The following ASIC2 variants were observed in gnomAD, a reference collection of about 807,000 sequenced individuals.
ASIC2 encodes acid-sensing ion channel 2.
A neutral mutation model predicts 57.3 loss-of-function variants in ASIC2; 25 were observed. The observed-to-expected ratio is 0.44, with a 90% confidence interval of 0.32 to 0.61. ASIC2 has a LOEUF of 0.61. ASIC2 is among the 20% of genes least tolerant of loss of function. The probability of loss-of-function intolerance (pLI) is 0.06; values close to 1 mark genes in which losing one functional copy is unlikely to be tolerated. For missense variants in ASIC2, 641 were observed against 738.1 expected (o/e 0.87, Z 1.52); for synonymous variants, 319 against 307.5 (o/e 1.04, Z -0.39).
intron 1 of ASIC2, among the ~76,000 whole-genome samples, chr17:33,997,822 G>T (rs765921224): frequency 6.6e-6 from 1 of 151,562 alleles, no homozygotes; most frequent in Non-Finnish European, 1.5e-5. Context: ...TAGGGATATT[G>T]GTCTGTGATT....
chr17:33,067,057 A>G (rs974642554), intron 3 of ASIC2, among the ~76,000 whole-genome samples: 1 of 152,224 alleles, frequency 6.6e-6, no homozygotes, highest in Non-Finnish European at 1.5e-5. Context: ...CAGTGGGAAC[A>G]TCGCAGGCAA....
At chr17:33,290,288 T>A (rs1320584042) in intron 1 of ASIC2, among the ~76,000 whole-genome samples, 2 of 152,192 alleles carry the variant, frequency 1.3e-5, no homozygotes, top group African/African-American at 4.8e-5. Flanking sequence ...AAAAAAAGCT[T>A]TGTCAGAAAT....
chr17:33,144,864 A>G (rs1904492406), intron 1 of ASIC2, among the ~76,000 whole-genome samples: 1 of 152,184 alleles, frequency 6.6e-6, no homozygotes, highest in Non-Finnish European at 1.5e-5. Context: ...TACTATGGAA[A>G]TCAGACAAGT....
chr17:33,771,363 T>C (rs1316145085), intron 1 of ASIC2, among the ~76,000 whole-genome samples: 1 of 152,216 alleles, frequency 6.6e-6, no homozygotes, highest in African/African-American at 2.4e-5. Flanking sequence ...GGGCACCTTC[T>C]GTCTCACTGC....
chr17:33,799,406 TC>T (rs1567718943), intron 1 of ASIC2, among the ~76,000 whole-genome samples: 6 of 53,986 alleles, frequency 1.1e-4, no homozygotes, highest in African/African-American at 4.4e-4. Context: ...TTCTTTCTTT[TC>T]TTTCTTTCTT....
chr17:33,849,452 G>A (rs771577766), intron 1 of ASIC2, among the ~76,000 whole-genome samples: 4 of 152,156 alleles, frequency 2.6e-5, no homozygotes, highest in Non-Finnish European at 5.9e-5. Flanking sequence ...AGGTCCCATG[G>A]TTAGTAAGTG....
intron 2 of ASIC2, among the ~76,000 whole-genome samples, chr17:33,106,982 A>T (rs2092237626): frequency 6.6e-6 from 1 of 152,200 alleles, no homozygotes; most frequent in South Asian, 2.1e-4. Flanking sequence ...CTGAGGCTGT[A>T]TCCCTGCCCC....
chr17:33,291,589 C>T lies in ASIC2; in HGVS notation c.527G>A (p.Arg176Gln), dbSNP rs772686246. The T allele has an allele frequency of 6.8e-6, 11 of 1,608,252 alleles. No individual in the cohort carries two copies. Among genetic ancestry groups the T allele is most frequent in the Admixed American group, 1.7e-5 (1 of 59,732 alleles). The change falls in exon 1 of 10, where the codon CGG (arginine) becomes CAG (glutamine). Residue 176 changes from arginine (R) to glutamine (Q), a missense_variant. Physicochemically the swap from Arg to Gln is conservative, Grantham distance 43 (BLOSUM62 1). Around this residue, in one of 3 missense-constraint regions of ASIC2, gnomAD observed 382 missense variants for 398.0 expected, o/e 0.96. Transcript: ENST00000225823. ...TARPLVSELL[R>Q]GDEPRRQWFR... ...CCACTGGCGGCGCGGCTCGTCGCCC[C>T]GCAGCAGCTCGCTGACAAGCGGGCG...
At chr17:33,857,021 C>T (rs1163708948) in intron 1 of ASIC2, among the ~76,000 whole-genome samples, 5 of 152,074 alleles carry the variant, frequency 3.3e-5, no homozygotes, top group Non-Finnish European at 4.4e-5. Flanking sequence ...ATGGAGCTTG[C>T]TTTCAGCGGC....
At chr17:33,433,977 G>GT (rs138195763) in intron 1 of ASIC2, among the ~76,000 whole-genome samples, 1,777 of 151,890 alleles carry the variant, frequency 0.012, 51 homozygotes, top group East Asian at 0.095. Context: ...GAAACAGAAG[G>GT]TAAAAAGGAG....
intron 3 of ASIC2, among the ~76,000 whole-genome samples, chr17:33,076,220 C>T (rs1247950229): frequency 1.3e-5 from 2 of 152,144 alleles, no homozygotes; most frequent in African/African-American, 4.8e-5. Flanking sequence ...ACTTCTGAGC[C>T]ATAGGCCTCT....
intron 1 of ASIC2, among the ~76,000 whole-genome samples, chr17:34,019,805 T>C (rs756695021): frequency 1.3e-5 from 2 of 152,194 alleles, no homozygotes; most frequent in African/African-American, 2.4e-5. Flanking sequence ...TTTGTCATGA[T>C]TCTGAGAGCT....
intron 1 of ASIC2, among the ~76,000 whole-genome samples, chr17:33,765,376 G>A (rs1452430130): frequency 6.6e-6 from 1 of 152,104 alleles, no homozygotes; most frequent in Admixed American, 6.5e-5. Flanking sequence ...CCAAAGTGCT[G>A]GGATTACAGG....
At chr17:33,854,786 C>T (rs73288652) in intron 1 of ASIC2, among the ~76,000 whole-genome samples, 3,578 of 152,252 alleles carry the variant, frequency 0.024, 122 homozygotes, top group African/African-American at 0.082. Context: ...TTGCCAGCTC[C>T]CATTTGTCAT....
chr17:33,937,956 C>G (rs188865093), intron 1 of ASIC2, among the ~76,000 whole-genome samples: 13 of 152,298 alleles, frequency 8.5e-5, no homozygotes, highest in African/African-American at 3.1e-4. Flanking sequence ...TTGGGGTTTC[C>G]AGAGTCCTGG....
At chr17:33,703,328 T>TTTTTC (rs1555553188) in intron 1 of ASIC2, among the ~76,000 whole-genome samples, 1 of 151,946 alleles carries the variant, frequency 6.6e-6, no homozygotes, top group African/African-American at 2.4e-5. Flanking sequence ...TTTCTTTTTT[T>TTTTTC]TTTTGTTGCT....
intron 2 of ASIC2, among the ~76,000 whole-genome samples, chr17:33,107,102 C>T (rs1199718535): frequency 1.3e-5 from 2 of 152,222 alleles, no homozygotes; most frequent in Non-Finnish European, 2.9e-5. Context: ...AGATAACCCA[C>T]CGCCTATTCC....
chr17:33,726,724 G>A (rs911314897), intron 1 of ASIC2, among the ~76,000 whole-genome samples: 1 of 152,090 alleles, frequency 6.6e-6, no homozygotes, highest in African/African-American at 2.4e-5. Flanking sequence ...AGGCATCCTG[G>A]GATAACCTCA....
intron 1 of ASIC2, among the ~76,000 whole-genome samples, chr17:33,934,033 T>C (rs1916004449): frequency 6.6e-6 from 1 of 152,194 alleles, no homozygotes; most frequent in Non-Finnish European, 1.5e-5. Context: ...TAGTTGATGT[T>C]TTTCAGACAC....
Sources: allele counts gnomAD v4.1 joint callset (sites outside exome capture counted in the v4.1 genomes callset), GRCh38; gene constraint gnomAD v4.1.1; regional missense constraint gnomAD v4.1.1; transcripts MANE v1.5; gene names NCBI Gene and HGNC (gene_info 2026-07-23, HGNC 2026-07-21).